Variants in USP10 observed in about 807,000 individuals in gnomAD.
USP10 encodes the protein ubiquitin specific peptidase 10.
A neutral mutation model predicts 84.5 loss-of-function variants in USP10; 22 were observed. That is an observed-to-expected ratio of 0.26 (90% CI 0.19 to 0.37). The LOEUF (loss-of-function observed/expected upper bound fraction) is 0.37. USP10 is among the 10% of genes least tolerant of loss of function. The probability of loss-of-function intolerance (pLI) is 1.00; values close to 1 mark genes in which losing one functional copy is unlikely to be tolerated. For missense variants in USP10, 1,019 were observed against 998.9 expected (o/e 1.02, Z -0.27); for synonymous variants, 454 against 387.6 (o/e 1.17, Z -2.01).
At chr16:84,726,814 C>T (rs16944624) in intron 1 of USP10, among the ~76,000 whole-genome samples, 4,150 of 152,318 alleles carry the variant, frequency 0.027, 163 homozygotes, top group African/African-American at 0.094. Flanking sequence ...GTACTTTGCT[C>T]CCCCGAATCG....
chr16:84,771,748 A>G (rs1482379531), intron 11 of USP10, among the ~76,000 whole-genome samples: 1 of 151,806 alleles, frequency 6.6e-6, no homozygotes, highest in Non-Finnish European at 1.5e-5. Flanking sequence ...GGAGCCTGTA[A>G]TCCCAGCTAC....
At chr16:84,759,177 T>G in intron 5 of USP10, 186 bp from the exon 6 acceptor site, 1 of 625,888 alleles carries the variant, frequency 1.6e-6, no homozygotes, top group South Asian at 1.9e-5. Context: ...TAGATCCTTA[T>G]ATGGACATCA....
At position 84,704,663 on chromosome 16, in the gene USP10, A is replaced by C. The variant is rs575514076; in HGVS notation, c.21+4552A>C. On this transcript the variant is annotated intron_variant, in intron 1 of 13. Transcript: ENST00000219473. ...TGTTTCAAGGATCAGAAAATGTAGA[A>C]TTTATCATAAACCTCGATGTAGAAT... 9 of 1,440,090 alleles carry C rather than the reference A, an allele frequency of 6.2e-6. No homozygotes were observed. In the East Asian group the frequency reaches 1.5e-4, roughly 24 times the overall value. 89.2% of individuals were successfully genotyped at this position (1,440,090 alleles called of 1,614,324 possible).
intron 12 of USP10, among the ~76,000 whole-genome samples, chr16:84,772,891 T>C (rs914331037): frequency 6.6e-6 from 1 of 152,146 alleles, no homozygotes; most frequent in African/African-American, 2.4e-5. Flanking sequence ...CAAAAATAAC[T>C]AAACTCTATA....
intron 8 of USP10, among the ~76,000 whole-genome samples, chr16:84,761,267 G>A (rs971565851): frequency 2.6e-5 from 4 of 152,180 alleles, no homozygotes; most frequent in African/African-American, 9.7e-5. Flanking sequence ...AAAATAAAGT[G>A]GGTGCTCAGG....
intron 1 of USP10, among the ~76,000 whole-genome samples, chr16:84,705,209 C>A (rs571738238): frequency 1.3e-5 from 2 of 152,174 alleles, no homozygotes; most frequent in African/African-American, 4.8e-5. Flanking sequence ...GGTGAGTGTC[C>A]CCACTCCTGT....
rs969115467 is a variant in USP10 at position 84,768,175 on chromosome 16, T to C, written c.1833-18T>C. 1 of 1,561,140 alleles carries C rather than the reference T, an allele frequency of 6.4e-7. No individual in the cohort carries two copies. Among genetic ancestry groups the C allele is most frequent in the East Asian group, 2.3e-5 (1 of 43,064 alleles). On this transcript the variant is annotated intron_variant, in intron 10 of 13. Coordinates refer to ENST00000219473, the MANE Select transcript of USP10 (RefSeq NM_005153.3). Reference sequence around the variant, plus strand: ...GGAGTGGTCTCTTAATTTTTTTGTTTTTGCTTTCAATTCTTAGGTCTGTGG... The same window carrying C: ...GGAGTGGTCTCTTAATTTTTTTGTTCTTGCTTTCAATTCTTAGGTCTGTGG...
At chr16:84,704,845 T>C in intron 1 of USP10, 1 of 1,535,750 alleles carries the variant, frequency 6.5e-7, no homozygotes, top group Non-Finnish European at 8.7e-7. Context: ...GGTTGCCCTC[T>C]CCTGGAATAG....
chr16:84,759,835 G>C, intron 6 of USP10, 56 bp from the exon 7 acceptor site: 1 of 1,551,870 alleles, frequency 6.4e-7, no homozygotes. Flanking sequence ...AAGCTCTTTA[G>C]TAAAAGTATA....
At chr16:84,724,640 G>T (rs1276152974) in intron 1 of USP10, among the ~76,000 whole-genome samples, 2 of 152,080 alleles carry the variant, frequency 1.3e-5, no homozygotes, top group African/African-American at 2.4e-5. Context: ...TTCTTCCTTT[G>T]TCTGCTTCTG....
intron 1 of USP10, among the ~76,000 whole-genome samples, chr16:84,711,558 T>C (rs1263142689): frequency 6.6e-6 from 1 of 152,204 alleles, no homozygotes; most frequent in Non-Finnish European, 1.5e-5. Flanking sequence ...TTCTAGTCTC[T>C]AGTTTTTCCC....
At position 84,723,800 on chromosome 16, in the gene USP10, A is replaced by G. The variant is rs994051158; in HGVS notation, c.22-9635A>G. Among the ~76,000 whole-genome samples, 86 of 152,212 alleles carry G rather than the reference A, an allele frequency of 5.7e-4. 3 individuals carry two copies. The highest frequency in any genetic ancestry group is 7.3e-5 in the Non-Finnish European group (5 of 68,034). Reference sequence around the variant, plus strand: ...TATTTCCATGAATTTTAACAGATGTATTCATTTGTGTAATCACCTCCACAA... The same window carrying G: ...TATTTCCATGAATTTTAACAGATGTGTTCATTTGTGTAATCACCTCCACAA... On this transcript the variant is annotated intron_variant, in intron 1 of 13. Coordinates refer to ENST00000219473, the MANE Select transcript of USP10 (RefSeq NM_005153.3).
Position 84,745,050 on chromosome 16 carries a change from G to C in USP10, c.569G>C (p.Ser190Thr). 5 of 1,613,752 alleles carry C rather than the reference G, an allele frequency of 3.1e-6. No homozygotes were observed. Among genetic ancestry groups the C allele is most frequent in the Non-Finnish European group, 4.2e-6 (5 of 1,179,658 alleles). The change falls in exon 4 of 14, where the codon AGT (serine) becomes ACT (threonine). Residue 190 changes from serine to threonine, a missense_variant. Transcript: ENST00000219473. ...HANSAVPNSV[S>T]AEDAEFMGDM... ...AATTCAGCAGTCCCGAACAGTGTCA[G>C]TGCAGAGGATGCAGAATTTATGGGT...
At chr16:84,776,314 GGGGCCCAGGGGTGA>G (rs1440308476) in intron 13 of USP10, among the ~76,000 whole-genome samples, 2 of 78,188 alleles carry the variant, frequency 2.6e-5, no homozygotes, top group Non-Finnish European at 5.6e-5. Context: ...CCTAGCGGTG[GGGGCCCAGGGGTGA>G]GGGCCCAGTG....
At chr16:84,747,731 C>G (rs946994120) in intron 4 of USP10, among the ~76,000 whole-genome samples, 13 of 151,582 alleles carry the variant, frequency 8.6e-5, no homozygotes, top group Non-Finnish European at 1.6e-4. Flanking sequence ...GTCTGGCTAT[C>G]TTTTTTTGTA....
At chr16:84,762,109 T>G (rs908067757) in intron 8 of USP10, among the ~76,000 whole-genome samples, 3 of 152,230 alleles carry the variant, frequency 2.0e-5, no homozygotes, top group African/African-American at 4.8e-5. Context: ...ACTCGTGATG[T>G]GGGATTATTA....
At chr16:84,762,775 T>TTAGTCCACA (rs1913358891) in intron 8 of USP10, among the ~76,000 whole-genome samples, 1 of 152,086 alleles carries the variant, frequency 6.6e-6, no homozygotes, top group Non-Finnish European at 1.5e-5. Flanking sequence ...AGTCCACCCA[T>TTAGTCCACA]TTAGAGATAT....
intron 13 of USP10, among the ~76,000 whole-genome samples, chr16:84,778,362 C>G (rs948391011): frequency 6.6e-6 from 1 of 152,104 alleles, no homozygotes; most frequent in South Asian, 2.1e-4. Flanking sequence ...AGCGTATTCC[C>G]GCATCACCAT....
At chr16:84,756,950 T>G (rs1912611067) in intron 4 of USP10, among the ~76,000 whole-genome samples, 1 of 152,218 alleles carries the variant, frequency 6.6e-6, no homozygotes, top group South Asian at 2.1e-4. Flanking sequence ...AAGCCCCTTA[T>G]ATATTGAGGA....
Sources: gnomAD v4.1 joint callset for allele counts (sites outside exome capture counted in the v4.1 genomes callset) on GRCh38, gnomAD v4.1.1 for gene constraint, MANE v1.5 for transcripts, NCBI Gene and HGNC (gene_info 2026-07-23, HGNC 2026-07-21) for gene names.